Variants in KIAA0232 observed in about 807,000 individuals in gnomAD.
KIAA0232 encodes the protein uncharacterized protein KIAA0232.
KIAA0232 carries 27 observed loss-of-function variants against 122.0 expected under a neutral mutation model. That is an observed-to-expected ratio of 0.22 (90% CI 0.16 to 0.31). The LOEUF (loss-of-function observed/expected upper bound fraction) is 0.31. Among genes scored for constraint, KIAA0232 ranks in the 10% least tolerant of loss-of-function variants. The pLI is 1.00. For synonymous variants in KIAA0232, 613 were observed against 587.6 expected (o/e 1.04, Z -0.63); for missense variants, 1,551 against 1,634.2 (o/e 0.95, Z 0.88).
At chr4:6,832,060 G>A (rs1719013980) in intron 3 of KIAA0232, among the ~76,000 whole-genome samples, 1 of 152,186 alleles carries the variant, frequency 6.6e-6, no homozygotes, top group Non-Finnish European at 1.5e-5. Flanking sequence ...TTGTCTTTGT[G>A]TCGTTATTGG....
chr4:6,822,437 G>GTATTT (rs1470160956), intron 2 of KIAA0232, among the ~76,000 whole-genome samples: 1 of 152,084 alleles, frequency 6.6e-6, no homozygotes, highest in African/African-American at 2.4e-5. Context: ...TTGGGTAATG[G>GTATTT]TATTTGTCTT....
intron 3 of KIAA0232, among the ~76,000 whole-genome samples, chr4:6,839,924 T>G (rs1441565775): frequency 6.6e-6 from 1 of 152,228 alleles, no homozygotes; most frequent in Non-Finnish European, 1.5e-5. Flanking sequence ...CGGCTCATTT[T>G]TTAGGGGCAA....
At chr4:6,825,299 C>T (rs760156811) in intron 3 of KIAA0232, among the ~76,000 whole-genome samples, 15 of 152,190 alleles carry the variant, frequency 9.9e-5, no homozygotes, top group Middle Eastern at 3.4e-3. Context: ...ACTTAGAGTC[C>T]CAACACTTTG....
At chr4:6,840,955 A>G (rs942988080) in intron 3 of KIAA0232, among the ~76,000 whole-genome samples, 4 of 152,204 alleles carry the variant, frequency 2.6e-5, no homozygotes, top group East Asian at 3.9e-4. Flanking sequence ...TGGTTAAGTT[A>G]TGGTACATTA....
chr4:6,823,650 AT>A (rs1465016980), intron 2 of KIAA0232, among the ~76,000 whole-genome samples: 1 of 152,110 alleles, frequency 6.6e-6, no homozygotes, highest in Non-Finnish European at 1.5e-5. Flanking sequence ...ATACTTAGAT[AT>A]GAACTAGTGA....
intron 7 of KIAA0232, among the ~76,000 whole-genome samples, chr4:6,869,758 A>T (rs1721373227): frequency 6.6e-6 from 1 of 152,232 alleles, no homozygotes; most frequent in Admixed American, 6.5e-5. Flanking sequence ...CATAACAGAC[A>T]CTCATTACGG....
intron 7 of KIAA0232, among the ~76,000 whole-genome samples, chr4:6,870,033 C>T (rs974730613): frequency 6.6e-6 from 1 of 152,190 alleles, no homozygotes; most frequent in Admixed American, 6.5e-5. Context: ...GGGGCAGGCT[C>T]ACTCTCTCAG....
At chr4:6,790,124 AT>A (rs1716825077) in intron 1 of KIAA0232, among the ~76,000 whole-genome samples, 1 of 152,172 alleles carries the variant, frequency 6.6e-6, no homozygotes, top group Non-Finnish European at 1.5e-5. Flanking sequence ...TTAATCTTAC[AT>A]CTTGTTAATA....
chr4:6,806,503 G>A (rs1560166513), intron 2 of KIAA0232, among the ~76,000 whole-genome samples: 2 of 152,052 alleles, frequency 1.3e-5, no homozygotes, highest in African/African-American at 4.8e-5. Flanking sequence ...GGGAGGCCGA[G>A]GCGGGTGGAT....
At chr4:6,847,157 TTATG>T (rs904772095) in intron 4 of KIAA0232, among the ~76,000 whole-genome samples, 1 of 149,332 alleles carries the variant, frequency 6.7e-6, no homozygotes, top group African/African-American at 2.4e-5. Context: ...TATTTTCTCA[TTATG>T]TGTGTGGCTA....
chr4:6,807,481 T>C (rs1298972326), intron 2 of KIAA0232, among the ~76,000 whole-genome samples: 1 of 152,214 alleles, frequency 6.6e-6, no homozygotes, highest in Non-Finnish European at 1.5e-5. Flanking sequence ...CTAGTTTTGT[T>C]GATTACATTA....
chr4:6,784,463 ACT>A (rs999369903), intron 1 of KIAA0232, among the ~76,000 whole-genome samples: 1 of 152,000 alleles, frequency 6.6e-6, no homozygotes, highest in Non-Finnish European at 1.5e-5. Context: ...GGATTCTATC[ACT>A]CTGCATCCTC....
Position 6,824,558 on chromosome 4 carries a change from T to C in KIAA0232, c.105T>C (p.Ala35=). The C allele has an allele frequency of 6.2e-7, 1 of 1,614,234 alleles. No homozygotes were observed. The highest frequency in any genetic ancestry group is 8.5e-7 in the Non-Finnish European group (1 of 1,180,038). Residue 35 remains alanine, a synonymous_variant, in exon 3 of 10, where the codon GCT becomes GCC. Coordinates refer to ENST00000307659, the MANE Select transcript of KIAA0232 (RefSeq NM_014743.3). ...VSVSEMSLLH[A]LGPVQTWLGQ... is the part of the protein sequence containing the mutation. ...TTTCTGAAATGTCTCTGCTTCATGC[T>C]TTGGGTCCAGTGCAGACCTGGCTGG...
At chr4:6,878,880 A>G (rs1296602870) in intron 9 of KIAA0232, among the ~76,000 whole-genome samples, 1 of 151,838 alleles carries the variant, frequency 6.6e-6, no homozygotes, top group Non-Finnish European at 1.5e-5. Flanking sequence ...CTGCCCACTG[A>G]CCTGTCCGGC....
chr4:6,856,126 C>T (rs778800360), intron 4 of KIAA0232, among the ~76,000 whole-genome samples: 1 of 152,058 alleles, frequency 6.6e-6, no homozygotes, highest in Non-Finnish European at 1.5e-5. Context: ...ACTGTGTAAC[C>T]GTGGGATTTC....
intron 1 of KIAA0232, among the ~76,000 whole-genome samples, chr4:6,802,418 G>A (rs550909439): frequency 1.6e-4 from 24 of 152,326 alleles, no homozygotes; most frequent in African/African-American, 5.3e-4. Flanking sequence ...ACATCACAGC[G>A]TGCCATGGTT....
At chr4:6,807,304 A>C (rs1265843716) in intron 2 of KIAA0232, among the ~76,000 whole-genome samples, 2 of 152,248 alleles carry the variant, frequency 1.3e-5, no homozygotes, top group Non-Finnish European at 2.9e-5. Context: ...ATCAAGTAGT[A>C]ATCTTATCTA....
intron 3 of KIAA0232, among the ~76,000 whole-genome samples, chr4:6,837,113 G>A (rs565681806): frequency 6.6e-6 from 1 of 150,430 alleles, no homozygotes; most frequent in African/African-American, 2.4e-5. Flanking sequence ...CCTCCCAGAC[G>A]GGGCAGCGGC....
intron 7 of KIAA0232, chr4:6,866,293 ATTCCGGGT>A (rs1721178535): frequency 3.2e-6 from 3 of 945,624 alleles, no homozygotes; most frequent in South Asian, 9.8e-5. Flanking sequence ...TGTTATCAGA[ATTCCGGGT>A]TTCCTTGAAA....
Sources: allele counts gnomAD v4.1 joint callset (sites outside exome capture counted in the v4.1 genomes callset), GRCh38; gene constraint gnomAD v4.1.1; transcripts MANE v1.5; gene names NCBI Gene and HGNC (gene_info 2026-07-23, HGNC 2026-07-21).